Variants in LOC400499 observed in about 807,000 individuals in gnomAD.
the LOC400499 span, chr16:11,439,695 A>T: frequency 2.5e-6 from 1 of 396,670 alleles, no homozygotes; most frequent in Non-Finnish European, 4.4e-6. Context: ...CTCAAACCAG[A>T]AACTTCTGTC....
At chr16:11,384,150 G>C in the LOC400499 span, 14 of 1,213,564 alleles carry the variant, frequency 1.2e-5, no homozygotes, top group Non-Finnish European at 1.2e-5. Context: ...CCTCTCCCGG[G>C]ACTCTGCAGT....
At chr16:11,488,648 C>A in the LOC400499 span, 1 of 397,926 alleles carries the variant, frequency 2.5e-6, no homozygotes, top group Non-Finnish European at 4.4e-6. Flanking sequence ...AGCTGGAGCT[C>A]CAGGGTCCCC....
the LOC400499 span, chr16:11,391,895 G>A: frequency 1.1e-5 from 13 of 1,130,698 alleles, no homozygotes; most frequent in Admixed American, 4.2e-5. Context: ...ATCAGGGTGA[G>A]GTCCAGGGCA....
At chr16:11,383,801 G>A in the LOC400499 span, 20 of 1,232,232 alleles carry the variant, frequency 1.6e-5, no homozygotes, top group Middle Eastern at 6.2e-4. Flanking sequence ...CAGGGACACC[G>A]AGTCACTGTC....
At chr16:11,462,565 G>T in the LOC400499 span, 3 of 348,990 alleles carry the variant, frequency 8.6e-6, no homozygotes, top group Non-Finnish European at 1.2e-5. Flanking sequence ...TGGGATTACA[G>T]TCACGTGCCA....
chr16:11,396,753 T>C, the LOC400499 span: 1 of 1,163,182 alleles, frequency 8.6e-7, no homozygotes, highest in Middle Eastern at 3.2e-4. Context: ...GCACCGAGAA[T>C]GCAGCAGCAG....
the LOC400499 span, chr16:11,383,962 G>C: frequency 1.6e-6 from 2 of 1,231,740 alleles, no homozygotes; most frequent in Non-Finnish European, 2.0e-6. Flanking sequence ...TCCCGGGCAG[G>C]CCTGCTCCTG....
chr16:11,433,223 A>G, the LOC400499 span, among the ~76,000 whole-genome samples: 1 of 152,206 alleles, frequency 6.6e-6, no homozygotes, highest in Non-Finnish European at 1.5e-5. Context: ...CCTGACCTAC[A>G]ACAAGGTGCA....
chr16:11,418,295 A>G, the LOC400499 span, among the ~76,000 whole-genome samples: 2,013 of 152,340 alleles, frequency 0.013, 54 homozygotes, highest in African/African-American at 0.045. Context: ...GAGACCTACC[A>G]GGCTGCATTC....
the LOC400499 span, among the ~76,000 whole-genome samples, chr16:11,515,759 G>A: frequency 6.6e-6 from 1 of 150,534 alleles, no homozygotes; most frequent in East Asian, 2.0e-4. Flanking sequence ...GGGAGGAGGA[G>A]GAGAAAAAGG....
the LOC400499 span, among the ~76,000 whole-genome samples, chr16:11,388,238 C>T: frequency 4.6e-5 from 7 of 152,124 alleles, no homozygotes; most frequent in African/African-American, 1.2e-4. Context: ...TCCCACTCAC[C>T]AGGTAGGTGA....
the LOC400499 span, among the ~76,000 whole-genome samples, chr16:11,504,054 C>T: frequency 1.3e-5 from 2 of 151,878 alleles, no homozygotes; most frequent in Admixed American, 6.5e-5. Context: ...GGTGCCTGCC[C>T]GGGACCACTC....
chr16:11,451,279 T>C, the LOC400499 span, among the ~76,000 whole-genome samples: 1 of 152,178 alleles, frequency 6.6e-6, no homozygotes, highest in Non-Finnish European at 1.5e-5. Context: ...TGCAATTTTT[T>C]CATAATAAAA....
At chr16:11,515,320 G>C in the LOC400499 span, among the ~76,000 whole-genome samples, 1 of 151,830 alleles carries the variant, frequency 6.6e-6, no homozygotes, top group South Asian at 2.1e-4. Flanking sequence ...CAGGAATGGT[G>C]CCTTGTGCCT....
the LOC400499 span, chr16:11,425,372 C>G: frequency 2.5e-6 from 1 of 399,430 alleles, no homozygotes; most frequent in Non-Finnish European, 4.4e-6. Context: ...TCCCTGCCTT[C>G]TCATGCTGGT....
the LOC400499 span, chr16:11,471,982 G>A: frequency 1.0e-5 from 4 of 396,378 alleles, no homozygotes; most frequent in Non-Finnish European, 1.8e-5. Context: ...GTGTAGACCA[G>A]GGTTTCTCTG....
At chr16:11,421,856 C>A in the LOC400499 span, among the ~76,000 whole-genome samples, 1 of 152,148 alleles carries the variant, frequency 6.6e-6, no homozygotes, top group South Asian at 2.1e-4. Flanking sequence ...CTTGCAAGCA[C>A]CAATGATTGT....
chr16:11,391,887 C>T, the LOC400499 span: 1 of 1,160,874 alleles, frequency 8.6e-7, no homozygotes, highest in Non-Finnish European at 1.1e-6. Context: ...GAGGCAGAAT[C>T]AGGGTGAGGT....
At chr16:11,505,364 C>G in the LOC400499 span, among the ~76,000 whole-genome samples, 5 of 151,488 alleles carry the variant, frequency 3.3e-5, no homozygotes, top group Admixed American at 2.6e-4. Context: ...AGTAAAATAA[C>G]CAGGTAGTCA....
Sources: gnomAD v4.1 joint callset for allele counts (sites outside exome capture counted in the v4.1 genomes callset) on GRCh38, gnomAD v4.1.1 for gene constraint, MANE v1.5 for transcripts.